AASS: variants seen among roughly 807,000 people sequenced by gnomAD.
The protein encoded by AASS is alpha-aminoadipic semialdehyde synthase, mitochondrial.
A neutral mutation model predicts 105.4 loss-of-function variants in AASS; 86 were observed. That is an observed-to-expected ratio of 0.82 (90% CI 0.69 to 0.98). The LOEUF is 0.98. Among genes scored for constraint, AASS ranks in the 50% least tolerant of loss-of-function variants. The pLI, the probability that AASS is intolerant of heterozygous loss-of-function variation, is 0.00. For synonymous variants in AASS, 381 were observed against 394.8 expected (o/e 0.96, Z 0.41); for missense variants, 1,048 against 1,143.2 (o/e 0.92, Z 1.20).
chr7:122,107,491 C>G (rs1023247081), intron 11 of AASS, among the ~76,000 whole-genome samples: 1 of 152,102 alleles, frequency 6.6e-6, no homozygotes, highest in African/African-American at 2.4e-5. Flanking sequence ...ATAGCAGAGA[C>G]ATGGACTCAA....
At chr7:122,115,361 G>A in intron 8 of AASS, 139 bp from the exon 9 acceptor site, 1 of 1,174,650 alleles carries the variant, frequency 8.5e-7, no homozygotes, top group South Asian at 1.3e-5. Flanking sequence ...CCATGTCAGT[G>A]TCCATCTTTT....
chr7:122,141,047 C>T (rs1226943131), intron 1 of AASS, among the ~76,000 whole-genome samples: 1 of 152,138 alleles, frequency 6.6e-6, no homozygotes, highest in East Asian at 1.9e-4. Flanking sequence ...ATTAACACAG[C>T]ACCAGATGAT....
intron 19 of AASS, 54 bp from the exon 20 acceptor site, chr7:122,081,649 A>G: frequency 1.5e-6 from 2 of 1,296,696 alleles, no homozygotes. Flanking sequence ...CAATGAAAAA[A>G]CTTAAAATAT....
chr7:122,142,089 C>T (rs1246444567), intron 1 of AASS, among the ~76,000 whole-genome samples: 1 of 152,130 alleles, frequency 6.6e-6, no homozygotes, highest in East Asian at 1.9e-4. Flanking sequence ...AGATGGATAC[C>T]TCAAAGGAAT....
intron 19 of AASS, among the ~76,000 whole-genome samples, chr7:122,083,144 G>A (rs1255386004): frequency 1.3e-5 from 2 of 152,116 alleles, no homozygotes; most frequent in Non-Finnish European, 2.9e-5. Flanking sequence ...TTTCACTACT[G>A]AATGTCTGGC....
chr7:122,114,959 G>A, intron 9 of AASS, 115 bp downstream of exon 9: 2 of 1,422,786 alleles, frequency 1.4e-6, no homozygotes, highest in African/African-American at 2.8e-5. Flanking sequence ...GGTCAAGAAA[G>A]ATAAGGCAGA....
intron 15 of AASS, 56 bp from the exon 16 acceptor site, chr7:122,093,214 G>T (rs1165117492): frequency 7.7e-7 from 1 of 1,294,264 alleles, no homozygotes; most frequent in East Asian, 2.3e-5. Context: ...TACTTTCTAA[G>T]GTACTTGAAC....
chr7:122,078,316 T>TA lies in AASS; in HGVS notation c.2486-303dup, dbSNP rs976411643. On this transcript the variant is annotated intron_variant, in intron 22 of 23. Transcript: ENST00000417368. ...CTTCTTTGGCATTTGCCTAATGCAT[T>TA]AAAAAAAAAAAGTAATGTCGGGCGC... is the stretch of plus-strand genomic sequence containing the variant. Among the ~76,000 whole-genome samples the TA allele has an allele frequency of 1.4e-3, 204 of 146,264 alleles. 3 individuals carry two copies. Among genetic ancestry groups the TA allele is most frequent in the Middle Eastern group, 0.01 (3 of 286 alleles).
At chr7:122,080,301 C>T (rs1208101031) in intron 20 of AASS, among the ~76,000 whole-genome samples, 1 of 152,194 alleles carries the variant, frequency 6.6e-6, no homozygotes, top group East Asian at 1.9e-4. Context: ...AAATTTGGCT[C>T]ATTGTCTGTT....
rs561959022 is a variant in AASS at position 122,100,901 on chromosome 7, G to A, written c.1406+470C>T. Among the ~76,000 whole-genome samples the A allele has an allele frequency of 6.4e-4, 97 of 151,732 alleles. 3 individuals carry two copies. The highest frequency in any genetic ancestry group is 3.2e-4 in the Non-Finnish European group (22 of 67,828). ...AAACTACCTCTTACTTTCATCAATT[G>A]TTTATTCACAACTCTCTTAATTTGT... On this transcript the variant is annotated intron_variant, in intron 13 of 23. Coordinates refer to ENST00000417368, the MANE Select transcript of AASS (RefSeq NM_005763.4).
intron 23 of AASS, among the ~76,000 whole-genome samples, chr7:122,077,241 A>G (rs1793065215): frequency 6.6e-6 from 1 of 152,166 alleles, no homozygotes; most frequent in African/African-American, 2.4e-5. Context: ...AACAGAGGCA[A>G]TGCTTATTGA....
chr7:122,080,183 C>T (rs1271620157), intron 20 of AASS, among the ~76,000 whole-genome samples: 2 of 152,184 alleles, frequency 1.3e-5, no homozygotes, highest in Non-Finnish European at 2.9e-5. Context: ...AGGAAGAATA[C>T]TTAAACAGTA....
At chr7:122,109,198 T>G (rs1430863388) in intron 11 of AASS, among the ~76,000 whole-genome samples, 2 of 150,450 alleles carry the variant, frequency 1.3e-5, no homozygotes, top group African/African-American at 2.5e-5. Context: ...AGAATTTATA[T>G]TGTTAAAATG....
At chr7:122,143,797 T>C (rs1378238404) in intron 1 of AASS, among the ~76,000 whole-genome samples, 1 of 152,072 alleles carries the variant, frequency 6.6e-6, no homozygotes, top group Non-Finnish European at 1.5e-5. Flanking sequence ...CAGTTCTTTA[T>C]TCCCCAGCCA....
intron 4 of AASS, among the ~76,000 whole-genome samples, chr7:122,121,934 T>A (rs1795457682): frequency 6.6e-6 from 1 of 152,182 alleles, no homozygotes; most frequent in Non-Finnish European, 1.5e-5. Context: ...GGAAATATAT[T>A]GTACTGTGCA....
intron 11 of AASS, among the ~76,000 whole-genome samples, chr7:122,102,457 G>A (rs1036916014): frequency 1.3e-5 from 2 of 151,898 alleles, no homozygotes; most frequent in African/African-American, 4.8e-5. Flanking sequence ...AGTTAGCATT[G>A]CTGTTTCTGG....
chr7:122,085,467 G>A (rs1018069769), intron 19 of AASS, among the ~76,000 whole-genome samples: 5 of 151,620 alleles, frequency 3.3e-5, no homozygotes, highest in Admixed American at 1.3e-4. Flanking sequence ...CTTTCATCCC[G>A]TCCGTTTCCT....
At chr7:122,143,205 C>G (rs1796481143) in intron 1 of AASS, among the ~76,000 whole-genome samples, 1 of 152,062 alleles carries the variant, frequency 6.6e-6, no homozygotes, top group Admixed American at 6.6e-5. Context: ...AAGGACCATT[C>G]CGTCCTGTGT....
chr7:122,086,283 A>C, intron 18 of AASS, 104 bp from the exon 19 acceptor site: 1 of 1,154,182 alleles, frequency 8.7e-7, no homozygotes, highest in East Asian at 2.6e-5. Context: ...TTGAAAAAAA[A>C]AATAAAAATA....
Sources: gnomAD v4.1 joint callset for allele counts (sites outside exome capture counted in the v4.1 genomes callset) on GRCh38, gnomAD v4.1.1 for gene constraint, MANE v1.5 for transcripts, NCBI Gene and HGNC (gene_info 2026-07-23, HGNC 2026-07-21) for gene names.